Variants in NCAM2 observed in about 807,000 individuals in gnomAD.
NCAM2 encodes N-CAM-2.
In NCAM2, 30 loss-of-function variants were observed where a neutral mutation model predicts 98.1. That is an observed-to-expected ratio of 0.31 (90% confidence interval 0.23 to 0.41). The LOEUF is 0.41. Ranked by LOEUF, NCAM2 falls within the 10% of genes least tolerant of loss-of-function variation. The pLI is 1.00. For missense variants in NCAM2, 867 were observed against 1,005.8 expected (o/e 0.86, Z 1.87); for synonymous variants, 368 against 342.4 (o/e 1.07, Z -0.83).
intron 1 of NCAM2, among the ~76,000 whole-genome samples, chr21:21,253,130 ACT>A (rs1182925015): frequency 2.6e-5 from 4 of 152,138 alleles, no homozygotes; most frequent in African/African-American, 7.2e-5. Flanking sequence ...TGCCATTATT[ACT>A]GTTATCCTTC....
At chr21:21,135,531 C>T (rs983007654) in intron 1 of NCAM2, among the ~76,000 whole-genome samples, 2 of 152,108 alleles carry the variant, frequency 1.3e-5, no homozygotes, top group Admixed American at 1.3e-4. Flanking sequence ...TTATTTTATC[C>T]CTGCTTCAAG....
chr21:21,309,300 T>G (rs2073974651), intron 5 of NCAM2, among the ~76,000 whole-genome samples: 1 of 152,194 alleles, frequency 6.6e-6, no homozygotes, highest in Admixed American at 6.5e-5. Flanking sequence ...TTTTCAATAT[T>G]TTAGACCTTT....
chr21:21,513,145 C>G (rs1300167827), intron 16 of NCAM2, among the ~76,000 whole-genome samples: 1 of 152,028 alleles, frequency 6.6e-6, no homozygotes, highest in Non-Finnish European at 1.5e-5. Context: ...AAGTAGACAT[C>G]CTTGTCTTGT....
At chr21:21,398,991 A>T (rs181187256) in intron 9 of NCAM2, among the ~76,000 whole-genome samples, 32 of 152,290 alleles carry the variant, frequency 2.1e-4, no homozygotes, top group Admixed American at 2.0e-3. Context: ...AAGTCAGTAC[A>T]AATTTCAGCC....
At chr21:21,296,062 A>G (rs1414353104) in intron 5 of NCAM2, among the ~76,000 whole-genome samples, 1 of 151,838 alleles carries the variant, frequency 6.6e-6, no homozygotes, top group African/African-American at 2.4e-5. Context: ...TTCAACAGGT[A>G]TATACAAAGT....
At chr21:21,458,884 G>T (rs1982551117) in intron 12 of NCAM2, among the ~76,000 whole-genome samples, 2 of 152,070 alleles carry the variant, frequency 1.3e-5, no homozygotes, top group South Asian at 4.1e-4. Flanking sequence ...GCACATAAAA[G>T]GAAACAACCA....
chr21:21,232,142 G>A (rs868828481), intron 1 of NCAM2, among the ~76,000 whole-genome samples: 25 of 151,404 alleles, frequency 1.7e-4, no homozygotes, highest in African/African-American at 6.0e-4. Flanking sequence ...GGATCAGAAG[G>A]AGCTTTCTGA....
intron 10 of NCAM2, among the ~76,000 whole-genome samples, chr21:21,418,147 G>A (rs529067822): frequency 2.6e-5 from 4 of 151,886 alleles, no homozygotes; most frequent in South Asian, 4.2e-4. Context: ...TTCAAACTGT[G>A]TACTACTTTC....
intron 15 of NCAM2, among the ~76,000 whole-genome samples, chr21:21,507,635 C>G (rs528703313): frequency 6.6e-6 from 1 of 151,528 alleles, no homozygotes; most frequent in Non-Finnish European, 1.5e-5. Context: ...CTACTAAAAA[C>G]ACAAAAAAAT....
At chr21:21,440,894 T>C (rs895544454) in intron 12 of NCAM2, among the ~76,000 whole-genome samples, 2 of 152,224 alleles carry the variant, frequency 1.3e-5, no homozygotes, top group African/African-American at 4.8e-5. Context: ...TTTACTTTTC[T>C]GTTTGTTTAA....
chr21:21,264,694 T>A (rs1042615500), intron 1 of NCAM2, among the ~76,000 whole-genome samples: 2 of 149,174 alleles, frequency 1.3e-5, no homozygotes, highest in Admixed American at 6.7e-5. Context: ...TACACACACA[T>A]ACATACACAC....
chr21:21,363,499 T>G (rs1396527864), intron 8 of NCAM2, among the ~76,000 whole-genome samples: 1 of 152,196 alleles, frequency 6.6e-6, no homozygotes, highest in African/African-American at 2.4e-5. Context: ...TCTCATCATT[T>G]TTATATCTTA....
At chr21:21,327,326 A>AG (rs2074545465) in intron 6 of NCAM2, among the ~76,000 whole-genome samples, 3 of 151,512 alleles carry the variant, frequency 2.0e-5, no homozygotes. Flanking sequence ...AAAAAAAAAA[A>AG]AAAATTTCTT....
intron 12 of NCAM2, among the ~76,000 whole-genome samples, chr21:21,464,864 T>A (rs146055750): frequency 6.6e-6 from 1 of 152,148 alleles, no homozygotes; most frequent in African/African-American, 2.4e-5. Flanking sequence ...CATTACCCTG[T>A]CAGAAATCAT....
intron 4 of NCAM2, among the ~76,000 whole-genome samples, chr21:21,287,149 A>T (rs1203251287): frequency 6.6e-6 from 1 of 151,980 alleles, no homozygotes; most frequent in African/African-American, 2.4e-5. Context: ...CATAGGGAGC[A>T]TTTTCAATTT....
intron 1 of NCAM2, among the ~76,000 whole-genome samples, chr21:21,069,377 C>T (rs560807710): frequency 1.4e-4 from 22 of 152,096 alleles, no homozygotes; most frequent in Non-Finnish European, 2.4e-4. Flanking sequence ...GTTAAAAATG[C>T]GTTAGCTATC....
At chr21:21,492,416 A>G (rs1222502856) in intron 15 of NCAM2, among the ~76,000 whole-genome samples, 1 of 151,882 alleles carries the variant, frequency 6.6e-6, no homozygotes, top group African/African-American at 2.4e-5. Flanking sequence ...TAATCACAGT[A>G]TTTCTATTAG....
chr21:21,408,035 C>A (rs2076778130), intron 9 of NCAM2, among the ~76,000 whole-genome samples: 1 of 152,126 alleles, frequency 6.6e-6, no homozygotes, highest in Non-Finnish European at 1.5e-5. Context: ...TTAAAAAACA[C>A]TGTGTAAGCC....
intron 8 of NCAM2, among the ~76,000 whole-genome samples, chr21:21,352,034 A>G (rs1322686139): frequency 3.3e-5 from 5 of 151,464 alleles, no homozygotes; most frequent in Admixed American, 2.6e-4. Flanking sequence ...GCAGGCTCTC[A>G]TCTGTTTTTG....
Sources: allele counts gnomAD v4.1 joint callset (sites outside exome capture counted in the v4.1 genomes callset), GRCh38; gene constraint gnomAD v4.1.1; transcripts MANE v1.5; gene names NCBI Gene and HGNC (gene_info 2026-07-23, HGNC 2026-07-21).